Variants in TMEM132B observed in about 807,000 individuals in gnomAD.
The protein encoded by TMEM132B is transmembrane protein 132B.
Under a neutral mutation model 90.8 loss-of-function variants are expected in TMEM132B, and 18 were observed. The ratio of observed to expected loss-of-function variants is 0.20; its 90% CI spans 0.14 to 0.29. The LOEUF (loss-of-function observed/expected upper bound fraction) is 0.29, where lower values mean the gene tolerates loss of function less well. Among genes scored for constraint, TMEM132B ranks in the 10% least tolerant of loss-of-function variants. The probability of loss-of-function intolerance (pLI) is 1.00; values close to 1 mark genes in which losing one functional copy is unlikely to be tolerated. For missense variants in TMEM132B, 1,096 were observed against 1,326.8 expected, an observed-to-expected ratio of 0.83 and a Z score of 2.70; for synonymous variants, 504 against 523.3, an observed-to-expected ratio of 0.96 and a Z score of 0.50.
intron 3 of TMEM132B, among the ~76,000 whole-genome samples, chr12:125,449,636 A>G (rs1045645178): frequency 1.3e-5 from 2 of 148,214 alleles, no homozygotes; most frequent in Non-Finnish European, 3.0e-5. Context: ...TTTCTCTAGT[A>G]TCTTGGGGAG....
chr12:125,650,819 A>C lies in TMEM132B; in HGVS notation c.1780A>C (p.Met594Leu). Reference sequence around the variant, plus strand: ...ACCTGACTTAGGGCAGCTGACCTACATGCTGGGCCCCGACTGGCAGTTTGA... The same window carrying C: ...ACCTGACTTAGGGCAGCTGACCTACCTGCTGGGCCCCGACTGGCAGTTTGA... ...ESPDLGQLTY[M>L]LGPDWQFDIT... The change falls in exon 7 of 9, where the codon ATG becomes CTG. Residue 594 changes from methionine (M) to leucine (L), a missense_variant. By Grantham distance (15) the Met-to-Leu change is conservative. Coordinates refer to ENST00000682704, the MANE Select transcript of TMEM132B (RefSeq NM_001366854.1). The C allele has an allele frequency of 6.2e-7, 1 of 1,614,194 alleles. No individual in the cohort carries two copies. Among genetic ancestry groups the C allele is most frequent in the Non-Finnish European group, 8.5e-7 (1 of 1,180,032 alleles).
chr12:125,351,126 T>C (rs1877563015), intron 2 of TMEM132B, among the ~76,000 whole-genome samples: 2 of 152,068 alleles, frequency 1.3e-5, no homozygotes, highest in Non-Finnish European at 1.5e-5. Context: ...AGACCAGGGG[T>C]CAGAAAGCTT....
intron 1 of TMEM132B, among the ~76,000 whole-genome samples, chr12:125,339,001 A>G (rs893194283): frequency 2.6e-5 from 4 of 152,194 alleles, no homozygotes; most frequent in African/African-American, 9.7e-5. Context: ...ACGTAGAAAA[A>G]TATGGCAGGA....
chr12:125,265,277 A>G (rs1874660176), intron 1 of TMEM132B, among the ~76,000 whole-genome samples: 1 of 152,254 alleles, frequency 6.6e-6, no homozygotes. Flanking sequence ...TGGACGCCTG[A>G]AATCACAGAT....
At chr12:125,476,400 T>C (rs1319315710) in intron 3 of TMEM132B, among the ~76,000 whole-genome samples, 1 of 152,218 alleles carries the variant, frequency 6.6e-6, no homozygotes, top group Non-Finnish European at 1.5e-5. Flanking sequence ...TGCAATATGC[T>C]TTTGTGTCTG....
intron 1 of TMEM132B, among the ~76,000 whole-genome samples, chr12:125,228,764 C>T (rs1046876598): frequency 2.5e-4 from 38 of 152,252 alleles, no homozygotes; most frequent in African/African-American, 9.1e-4. Flanking sequence ...AGGTGATGGG[C>T]CCAGCTCCAG....
At chr12:125,227,344 C>G (rs1416669998) in intron 1 of TMEM132B, among the ~76,000 whole-genome samples, 1 of 152,156 alleles carries the variant, frequency 6.6e-6, no homozygotes, top group Non-Finnish European at 1.5e-5. Flanking sequence ...ACTTCATTAT[C>G]CCCATTTTAT....
chr12:125,549,982 G>A (rs1169268387), intron 4 of TMEM132B, among the ~76,000 whole-genome samples: 1 of 152,180 alleles, frequency 6.6e-6, no homozygotes, highest in Non-Finnish European at 1.5e-5. Context: ...GCTGGACCCT[G>A]TAAACATTTC....
intron 3 of TMEM132B, among the ~76,000 whole-genome samples, chr12:125,432,933 C>T (rs1053024079): frequency 1.6e-4 from 25 of 152,276 alleles, no homozygotes; most frequent in Admixed American, 1.4e-3. Context: ...CTCATTTGGT[C>T]TATGAGCAGT....
intron 4 of TMEM132B, among the ~76,000 whole-genome samples, chr12:125,550,899 A>G (rs539735676): frequency 6.6e-6 from 1 of 151,416 alleles, no homozygotes; most frequent in South Asian, 2.1e-4. Context: ...ACCTGGCTCT[A>G]CCTCCCAGGT....
intron 5 of TMEM132B, among the ~76,000 whole-genome samples, chr12:125,600,532 T>C (rs1288546021): frequency 6.6e-6 from 1 of 152,224 alleles, no homozygotes; most frequent in Non-Finnish European, 1.5e-5. Context: ...TATATCTGCA[T>C]CCACAGCATC....
chr12:125,348,150 C>T (rs1395084641), intron 1 of TMEM132B, among the ~76,000 whole-genome samples: 1 of 151,702 alleles, frequency 6.6e-6, no homozygotes, highest in Non-Finnish European at 1.5e-5. Flanking sequence ...ATATTGTGGC[C>T]ATCTTTTCAA....
At chr12:125,472,218 G>A (rs1881742294) in intron 3 of TMEM132B, among the ~76,000 whole-genome samples, 1 of 152,210 alleles carries the variant, frequency 6.6e-6, no homozygotes, top group Non-Finnish European at 1.5e-5. Flanking sequence ...TATATTCTGT[G>A]TAGACACAGC....
At chr12:125,411,229 CAG>C (rs1329470695) in intron 2 of TMEM132B, among the ~76,000 whole-genome samples, 6 of 148,926 alleles carry the variant, frequency 4.0e-5, no homozygotes, top group South Asian at 2.1e-4. Context: ...GAAACTGAGA[CAG>C]GGGACAAAGT....
At chr12:125,338,468 G>A (rs953055821) in intron 1 of TMEM132B, among the ~76,000 whole-genome samples, 1 of 152,206 alleles carries the variant, frequency 6.6e-6, no homozygotes, top group Non-Finnish European at 1.5e-5. Flanking sequence ...AGCTACTGGG[G>A]AGAAGTATGA....
At chr12:125,372,637 G>T (rs1878331299) in intron 2 of TMEM132B, among the ~76,000 whole-genome samples, 1 of 152,186 alleles carries the variant, frequency 6.6e-6, no homozygotes, top group South Asian at 2.1e-4. Context: ...TTTACACAAA[G>T]TATTTGAAAT....
chr12:125,202,450 G>T (rs1873083205), intron 1 of TMEM132B, among the ~76,000 whole-genome samples: 1 of 152,240 alleles, frequency 6.6e-6, no homozygotes, highest in African/African-American at 2.4e-5. Context: ...GGTCTCATCT[G>T]AAAGCTGGAC....
In TMEM132B at chr12:125,395,173, T is replaced by C. The variant is rs74956573; in HGVS notation, c.960-20358T>C. On this transcript the variant is annotated intron_variant, in intron 2 of 8. Coordinates refer to ENST00000682704, the MANE Select transcript of TMEM132B (RefSeq NM_001366854.1). ...GAGAAGTCTTCATGGACAGGAAATA[T>C]CCAGTGCATCAGGGTGAACCGTTGA... 8.4e-3 allele frequency among the ~76,000 whole-genome samples: 1,277 copies of C among 152,304 alleles called. 22 individuals carry two copies. The highest frequency in any genetic ancestry group is 0.028 in the African/African-American group (1,173 of 41,550).
At chr12:125,411,187 AGGAGT>A (rs745496165) in intron 2 of TMEM132B, among the ~76,000 whole-genome samples, 19 of 115,132 alleles carry the variant, frequency 1.7e-4, no homozygotes, top group Non-Finnish European at 2.0e-4. Context: ...GAGTGAGTGG[AGGAGT>A]GGAGTGGAGT....
Sources: allele counts gnomAD v4.1 joint callset (sites outside exome capture counted in the v4.1 genomes callset), GRCh38; gene constraint gnomAD v4.1.1; transcripts MANE v1.5; gene names NCBI Gene and HGNC (gene_info 2026-07-23, HGNC 2026-07-21).